Variants in NOS1AP observed in about 807,000 individuals in gnomAD.
The protein encoded by NOS1AP is carboxyl-terminal PDZ ligand of neuronal nitric oxide synthase protein.
In NOS1AP, 21 loss-of-function variants were observed where a neutral mutation model predicts 56.2. The ratio of observed to expected loss-of-function variants is 0.37; its 90% CI spans 0.26 to 0.54. The LOEUF is 0.54. NOS1AP is among the 20% of genes least tolerant of loss of function. The pLI is 0.84. For synonymous variants in NOS1AP, 270 were observed against 274.6 expected, an observed-to-expected ratio of 0.98 and a Z score of 0.17; for missense variants, 522 against 657.8, an observed-to-expected ratio of 0.79 and a Z score of 2.26.
At chr1:162,359,384 C>G (rs1292494185) in intron 8 of NOS1AP, among the ~76,000 whole-genome samples, 1 of 152,200 alleles carries the variant, frequency 6.6e-6, no homozygotes, top group Non-Finnish European at 1.5e-5. Context: ...CCTCTGTCTG[C>G]CATGCCCATC....
chr1:162,259,869 T>A (rs1557852862), intron 2 of NOS1AP, among the ~76,000 whole-genome samples: 1 of 152,214 alleles, frequency 6.6e-6, no homozygotes, highest in Non-Finnish European at 1.5e-5. Context: ...TTATTCCCCA[T>A]GTATTTGTAG....
intron 9 of NOS1AP, among the ~76,000 whole-genome samples, chr1:162,365,996 C>A (rs1266257003): frequency 6.6e-6 from 1 of 152,162 alleles, no homozygotes; most frequent in Non-Finnish European, 1.5e-5. Context: ...TACTACTCTG[C>A]ACTATGTATT....
At chr1:162,309,425 A>G (rs1655954591) in intron 4 of NOS1AP, among the ~76,000 whole-genome samples, 1 of 152,264 alleles carries the variant, frequency 6.6e-6, no homozygotes, top group South Asian at 2.1e-4. Context: ...CAAAAAATGT[A>G]AGGCAGAAGA....
At chr1:162,282,511 C>T (rs1654962590) in intron 2 of NOS1AP, among the ~76,000 whole-genome samples, 1 of 152,152 alleles carries the variant, frequency 6.6e-6, no homozygotes. Flanking sequence ...CTGCTGTGAA[C>T]ATGGGTATAC....
In NOS1AP at chr1:162,303,768, A is replaced by G. The variant is rs915655200; in HGVS notation, c.344+3062A>G. ...TCTCTTGATCTTACATGCCATTTGT[A>G]TATATATTTTTAAGCATCTGTTCAA... On this transcript the variant is annotated intron_variant, in intron 4 of 9. Coordinates refer to ENST00000361897, the MANE Select transcript of NOS1AP (RefSeq NM_014697.3). Among the ~76,000 whole-genome samples the G allele has an allele frequency of 3.9e-5, 6 of 152,094 alleles. No individual in the cohort carries two copies. In the East Asian group the frequency reaches 9.6e-4, roughly 24 times the overall value.
intron 4 of NOS1AP, among the ~76,000 whole-genome samples, chr1:162,329,047 A>G (rs1424292442): frequency 1.3e-5 from 2 of 152,132 alleles, no homozygotes; most frequent in Non-Finnish European, 2.9e-5. Flanking sequence ...CACGTTGTCA[A>G]CCTAAATTCC....
At chr1:162,106,224 T>C (rs1571015117) in intron 1 of NOS1AP, among the ~76,000 whole-genome samples, 1 of 151,960 alleles carries the variant, frequency 6.6e-6, no homozygotes, top group African/African-American at 2.4e-5. Flanking sequence ...TGGCTGGGGG[T>C]TGGGGTTCCC....
At chr1:162,290,926 G>A (rs1397160128) in intron 3 of NOS1AP, among the ~76,000 whole-genome samples, 7 of 152,024 alleles carry the variant, frequency 4.6e-5, no homozygotes, top group Admixed American at 2.0e-4. Flanking sequence ...TTTCTAGCTC[G>A]GATACTCTGT....
chr1:162,087,943 T>A (rs1009190684), intron 1 of NOS1AP, among the ~76,000 whole-genome samples: 2 of 152,222 alleles, frequency 1.3e-5, no homozygotes, highest in African/African-American at 4.8e-5. Context: ...ATTTGTCTTA[T>A]GTTCTCAAAT....
At chr1:162,137,333 G>A (rs1254106903) in intron 1 of NOS1AP, among the ~76,000 whole-genome samples, 1 of 152,138 alleles carries the variant, frequency 6.6e-6, no homozygotes, top group African/African-American at 2.4e-5. Flanking sequence ...CTGTCCCTCT[G>A]CACTTCTGCA....
At chr1:162,106,232 C>T (rs1412940375) in intron 1 of NOS1AP, among the ~76,000 whole-genome samples, 1 of 152,122 alleles carries the variant, frequency 6.6e-6, no homozygotes, top group Non-Finnish European at 1.5e-5. Context: ...GGTTGGGGTT[C>T]CCTTGGCTCC....
chr1:162,364,732 A>G lies in NOS1AP; in HGVS notation c.940-672A>G, dbSNP rs545330242. On this transcript the variant is annotated intron_variant, in intron 8 of 9. Transcript: ENST00000361897. ...GTCCTGGTAATATGTGGTATGAATC[A>G]TGGTCCTAGATGTCTGCCATAGCAA... 20 of 986,046 alleles carry G rather than the reference A, an allele frequency of 2.0e-5. No homozygotes were observed. In the African/African-American group the frequency reaches 3.1e-4, roughly 15 times the overall value. 61.1% of individuals were successfully genotyped at this position (986,046 alleles called of 1,614,324 possible).
At chr1:162,232,533 A>AGT (rs60922543) in intron 2 of NOS1AP, among the ~76,000 whole-genome samples, 7,557 of 150,320 alleles carry the variant, frequency 0.05, 540 homozygotes, top group African/African-American at 0.17. Flanking sequence ...TTGTGCTTAG[A>AGT]GTGTGTGTGT....
intron 1 of NOS1AP, among the ~76,000 whole-genome samples, chr1:162,077,356 A>G (rs12023182): frequency 0.24 from 36,807 of 152,086 alleles, 5,235 homozygotes; most frequent in South Asian, 0.58. Context: ...CAGAGAAAAA[A>G]AAAAAGACCA....
At chr1:162,235,912 T>C (rs1362886141) in intron 2 of NOS1AP, among the ~76,000 whole-genome samples, 1 of 152,226 alleles carries the variant, frequency 6.6e-6, no homozygotes, top group African/African-American at 2.4e-5. Flanking sequence ...ATCTGAGATC[T>C]AGAAGGCACA....
intron 2 of NOS1AP, among the ~76,000 whole-genome samples, chr1:162,265,237 T>A (rs920169472): frequency 4.8e-5 from 7 of 145,338 alleles, no homozygotes; most frequent in East Asian, 2.0e-4. Flanking sequence ...TTTTTTTTTT[T>A]ATTATTTTAC....
chr1:162,222,284 A>C (rs887886608), intron 2 of NOS1AP, among the ~76,000 whole-genome samples: 15 of 152,364 alleles, frequency 9.8e-5, no homozygotes, highest in African/African-American at 3.6e-4. Context: ...CAAGGAGCAC[A>C]GCAGTGTTGT....
intron 2 of NOS1AP, among the ~76,000 whole-genome samples, chr1:162,215,371 A>G (rs1175225852): frequency 2.0e-5 from 3 of 152,190 alleles, no homozygotes; most frequent in Non-Finnish European, 2.9e-5. Flanking sequence ...GATGCACTGG[A>G]CCTTGCAGGT....
At position 162,330,325 on chromosome 1, in the gene NOS1AP, A is replaced by C. The variant is rs1203197049; in HGVS notation, c.345-2692A>C. On this transcript the variant is annotated intron_variant, in intron 4 of 9. Coordinates refer to ENST00000361897, the MANE Select transcript of NOS1AP (RefSeq NM_014697.3). ...CCCATGTGCCAATCACTGTGCTGGCACTGGGGATACCAAGATGTGTTCCTT... is the reference window on the plus strand; with the variant it reads ...CCCATGTGCCAATCACTGTGCTGGCCCTGGGGATACCAAGATGTGTTCCTT... Among the ~76,000 whole-genome samples, 9 of 152,192 alleles carry C rather than the reference A, an allele frequency of 5.9e-5. No individual in the cohort carries two copies. In the South Asian group the frequency reaches 1.0e-3, roughly 18 times the overall value.
Sources: allele counts gnomAD v4.1 joint callset (sites outside exome capture counted in the v4.1 genomes callset), GRCh38; gene constraint gnomAD v4.1.1; transcripts MANE v1.5; gene names NCBI Gene and HGNC (gene_info 2026-07-23, HGNC 2026-07-21).